The following PTPRF variants were observed in gnomAD, a reference collection of about 807,000 sequenced individuals.
The protein encoded by PTPRF is receptor-type tyrosine-protein phosphatase F.
In PTPRF, 59 loss-of-function variants were observed where a neutral mutation model predicts 201.8. That is an observed-to-expected ratio of 0.29 (90% CI 0.24 to 0.36). The LOEUF is 0.36. Among genes scored for constraint, PTPRF ranks in the 10% least tolerant of loss-of-function variants. The pLI, the probability that PTPRF is intolerant of heterozygous loss-of-function variation, is 1.00. For missense variants in PTPRF, 2,132 were observed against 2,690.5 expected, an observed-to-expected ratio of 0.79 and a Z score of 4.59; for synonymous variants, 1,088 against 1,089.7, an observed-to-expected ratio of 1.00 and a Z score of 0.03.
At chr1:43,522,823 G>A (rs145095242), upstream of PTPRF, among the ~76,000 whole-genome samples, 223 of 152,260 alleles carry the variant, frequency 1.5e-3, no homozygotes, top group African/African-American at 5.0e-3. Context: ...GAGGTGGGGA[G>A]GTAGGCAAAG....
chr1:43,564,373 G>A (rs1646012525), intron 5 of PTPRF, among the ~76,000 whole-genome samples: 1 of 152,156 alleles, frequency 6.6e-6, no homozygotes, highest in Non-Finnish European at 1.5e-5. Flanking sequence ...CCACCTACGA[G>A]GTTCCTTCAT....
In PTPRF at chr1:43,546,915, C is replaced by G. The variant is rs577697928; in HGVS notation, c.91+1749C>G. Among the ~76,000 whole-genome samples, 1 of 152,342 alleles carries G rather than the reference C, an allele frequency of 6.6e-6. No homozygotes were observed. Among genetic ancestry groups the G allele is most frequent in the Non-Finnish European group, 1.5e-5 (1 of 68,026 alleles). On this transcript the variant is annotated intron_variant, in intron 3 of 33. Transcript: ENST00000359947. The surrounding 1 kb of genome is among the most constrained non-coding windows in gnomAD (Gnocchi z 4.2). ...ATCTTTGGAATGCATCCACTTCTCT[C>G]TCTACCGCCTTCATCCAAGCCACCC...
chr1:43,608,920 G>A (rs374120584), intron 21 of PTPRF, among the ~76,000 whole-genome samples: 92 of 152,226 alleles, frequency 6.0e-4, no homozygotes, highest in South Asian at 1.0e-3. Context: ...CGCCTTTCCC[G>A]TCCCTCCCCT....
At chr1:43,583,125 G>A in intron 7 of PTPRF, 1 of 983,552 alleles carries the variant, frequency 1.0e-6, no homozygotes, top group Non-Finnish European at 1.2e-6. Flanking sequence ...TCCATCTACA[G>A]TTCGCCCATC....
chr1:43,559,481 G>C (rs1245923836), intron 5 of PTPRF, among the ~76,000 whole-genome samples: 1 of 151,848 alleles, frequency 6.6e-6, no homozygotes, highest in Non-Finnish European at 1.5e-5. Context: ...CAGTATATGT[G>C]TGCGGTGTGC....
upstream of PTPRF, among the ~76,000 whole-genome samples, chr1:43,529,983 T>G (rs968448338): frequency 3.3e-5 from 5 of 152,008 alleles, no homozygotes; most frequent in African/African-American, 1.2e-4. Flanking sequence ...CTGCTTGGGG[T>G]TGACACTAGG....
chr1:43,533,889 G>A (rs1051563062), intron 1 of PTPRF, among the ~76,000 whole-genome samples: 18 of 152,088 alleles, frequency 1.2e-4, no homozygotes, highest in African/African-American at 4.3e-4. Context: ...TTTCGGCCCC[G>A]GCTGCCTTTC....
At position 43,546,185 on chromosome 1, in the gene PTPRF, C is replaced by T. The variant is rs1557679246; in HGVS notation, c.91+1019C>T. Among the ~76,000 whole-genome samples the T allele has an allele frequency of 6.6e-6, 1 of 152,190 alleles. No homozygotes were observed. Among genetic ancestry groups the T allele is most frequent in the Admixed American group, 6.5e-5 (1 of 15,280 alleles). ...CCTTGCCCCACCAGGGCTCTTTCTC[C>T]TAATGGCTCATTAATTATTCAGGAA... On this transcript the variant is annotated intron_variant, in intron 3 of 33. Coordinates refer to ENST00000359947, the MANE Select transcript of PTPRF (RefSeq NM_002840.5). The surrounding 1 kb of genome is among the most constrained non-coding windows in gnomAD (Gnocchi z 4.2).
chr1:43,565,847 TGCACGGACTCGG>T (rs1294874695), intron 5 of PTPRF, among the ~76,000 whole-genome samples: 3 of 151,962 alleles, frequency 2.0e-5, no homozygotes, highest in Non-Finnish European at 4.4e-5. Flanking sequence ...CGCGCGCGCC[TGCACGGACTCGG>T]GCACACGCAG....
chr1:43,543,999 C>A (rs561211171), intron 2 of PTPRF, among the ~76,000 whole-genome samples: 3 of 152,302 alleles, frequency 2.0e-5, no homozygotes, highest in Admixed American at 1.3e-4. Flanking sequence ...CCAGTGGGGC[C>A]AGGGAGTGAT....
chr1:43,569,951 G>T (rs191039434), intron 6 of PTPRF, among the ~76,000 whole-genome samples, 173 bp downstream of exon 6: 2 of 152,202 alleles, frequency 1.3e-5, no homozygotes, highest in East Asian at 3.9e-4. Context: ...AAGAGAGCTC[G>T]TGGTTGGCTG....
rs1655214383 is a variant in PTPRF, at chr1:43,606,741, C to A, written c.3703-73C>A. On this transcript the variant is annotated intron_variant, in intron 20 of 33. Transcript: ENST00000359947. ...GTAACCCAGACCCAGAGCCCTTTCTCCAGGATTAATAGGCAGAGGGTGGGG... is the reference window on the plus strand; with the variant it reads ...GTAACCCAGACCCAGAGCCCTTTCTACAGGATTAATAGGCAGAGGGTGGGG... 2.6e-6 allele frequency: 4 copies of A among 1,566,894 alleles called. No individual in the cohort carries two copies. In the South Asian group the frequency reaches 4.7e-5, roughly 18 times the overall value.
chr1:43,595,361 T>C (rs10890263), intron 11 of PTPRF, among the ~76,000 whole-genome samples: 31,344 of 151,964 alleles, frequency 0.21, 3,841 homozygotes, highest in East Asian at 0.33. Context: ...TTTATAGGCG[T>C]GCCCGCCACC....
In PTPRF at chr1:43,554,778, T is replaced by A. The variant is rs778999728; in HGVS notation, c.379+837T>A. On this transcript the variant is annotated intron_variant, in intron 5 of 33. Coordinates refer to ENST00000359947, the MANE Select transcript of PTPRF (RefSeq NM_002840.5). The surrounding 1 kb of genome is among the most constrained non-coding windows in gnomAD (Gnocchi z 4.1). ...TGATCAGACCCCAGCCACAACTGAT[T>A]CATCAGTCTGAATGTGTTTATGTTT... 1.3e-5 allele frequency among the ~76,000 whole-genome samples: 2 copies of A among 152,096 alleles called. No homozygotes were observed. The highest frequency in any genetic ancestry group is 6.5e-5 in the Admixed American group (1 of 15,270).
intron 3 of PTPRF, among the ~76,000 whole-genome samples, chr1:43,548,566 T>C (rs1452811032): frequency 5.3e-5 from 8 of 152,124 alleles, no homozygotes; most frequent in African/African-American, 1.9e-4. Flanking sequence ...ATGGGGATAA[T>C]CACTCCTACC....
At chr1:43,568,366 T>A (rs545317561) in intron 5 of PTPRF, among the ~76,000 whole-genome samples, 1 of 149,802 alleles carries the variant, frequency 6.7e-6, no homozygotes, top group East Asian at 2.0e-4. Context: ...CAGCCTAGAG[T>A]GGAAAAGGGA....
intron 7 of PTPRF, among the ~76,000 whole-genome samples, chr1:43,581,144 G>T (rs1383002503): frequency 6.6e-6 from 1 of 152,230 alleles, no homozygotes; most frequent in Non-Finnish European, 1.5e-5. Flanking sequence ...ATCCCTGTCT[G>T]TGGGGCTCCC....
intron 6 of PTPRF, among the ~76,000 whole-genome samples, chr1:43,572,719 C>T (rs541819607): frequency 3.9e-5 from 6 of 152,172 alleles, no homozygotes; most frequent in African/African-American, 4.8e-5. Flanking sequence ...GAGCTTTCCC[C>T]GCTTTTGTTG....
At chr1:43,560,478 G>A (rs1260789473) in intron 5 of PTPRF, among the ~76,000 whole-genome samples, 1 of 151,952 alleles carries the variant, frequency 6.6e-6, no homozygotes, top group Non-Finnish European at 1.5e-5. Flanking sequence ...GTGTGGGGGT[G>A]GGAGTGGACA....
Sources: gnomAD v4.1 joint callset for allele counts (sites outside exome capture counted in the v4.1 genomes callset) on GRCh38, gnomAD v4.1.1 for gene constraint, Gnocchi (gnomAD v3.1) non-coding constraint, MANE v1.5 for transcripts, NCBI Gene and HGNC (gene_info 2026-07-23, HGNC 2026-07-21) for gene names.